DNER: variants seen among roughly 807,000 people sequenced by gnomAD.
DNER encodes the protein delta and Notch-like epidermal growth factor-related receptor.
A neutral mutation model predicts 78.2 loss-of-function variants in DNER; 33 were observed. That is an observed-to-expected ratio of 0.42 (90% CI 0.32 to 0.56). The LOEUF (loss-of-function observed/expected upper bound fraction) is 0.56. Among genes scored for constraint, DNER ranks in the 20% least tolerant of loss-of-function variants. DNER has a pLI of 0.11. For synonymous variants in DNER, 417 were observed against 384.8 expected (o/e 1.08, Z -0.98); for missense variants, 918 against 975.3 (o/e 0.94, Z 0.78).
intron 9 of DNER, among the ~76,000 whole-genome samples, chr2:229,414,972 G>A (rs1693613215): frequency 6.6e-6 from 1 of 152,148 alleles, no homozygotes; most frequent in African/African-American, 2.4e-5. Context: ...AGACCAGCCT[G>A]ACCAACATGG....
intron 1 of DNER, among the ~76,000 whole-genome samples, chr2:229,617,632 T>C (rs1027390734): frequency 1.3e-5 from 2 of 152,238 alleles, no homozygotes; most frequent in African/African-American, 4.8e-5. Context: ...AAATAGTTTT[T>C]TTGTTATAAG....
At chr2:229,426,469 T>C (rs1693881860) in intron 8 of DNER, among the ~76,000 whole-genome samples, 1 of 141,862 alleles carries the variant, frequency 7.0e-6, no homozygotes, top group African/African-American at 2.6e-5. Flanking sequence ...AAAAAAGATA[T>C]GGGTCACAGA....
intron 4 of DNER, among the ~76,000 whole-genome samples, chr2:229,549,370 A>G (rs182726618): frequency 1.3e-5 from 2 of 152,244 alleles, no homozygotes; most frequent in African/African-American, 4.8e-5. Context: ...CAGTGGTTCA[A>G]TCTCAGCTCA....
At chr2:229,382,120 A>C (rs1692751946) in intron 11 of DNER, among the ~76,000 whole-genome samples, 1 of 152,234 alleles carries the variant, frequency 6.6e-6, no homozygotes, top group Admixed American at 6.5e-5. Flanking sequence ...ATACCCAGGC[A>C]AATGGTCTGG....
chr2:229,697,273 T>C (rs1699676669), intron 1 of DNER, among the ~76,000 whole-genome samples: 1 of 152,224 alleles, frequency 6.6e-6, no homozygotes, highest in African/African-American at 2.4e-5. Flanking sequence ...GATTACTCCA[T>C]TTCTATGAAA....
intron 4 of DNER, among the ~76,000 whole-genome samples, chr2:229,549,097 G>A (rs1049432234): frequency 3.3e-5 from 5 of 152,008 alleles, no homozygotes; most frequent in Admixed American, 6.6e-5. Context: ...ACGCTGTTAC[G>A]CATATGTATA....
At chr2:229,547,611 A>T (rs189611740) in intron 4 of DNER, among the ~76,000 whole-genome samples, 2 of 152,338 alleles carry the variant, frequency 1.3e-5, no homozygotes, top group African/African-American at 4.8e-5. Context: ...TGGAGTAGGC[A>T]TGCAGCATGG....
At chr2:229,572,912 C>T (rs1407885031) in intron 4 of DNER, among the ~76,000 whole-genome samples, 1 of 152,146 alleles carries the variant, frequency 6.6e-6, no homozygotes, top group East Asian at 1.9e-4. Flanking sequence ...ATGAGTATAA[C>T]TTGTTTGTTT....
chr2:229,603,117 T>C (rs768216848), intron 1 of DNER, among the ~76,000 whole-genome samples: 8 of 152,038 alleles, frequency 5.3e-5, no homozygotes, highest in Non-Finnish European at 1.0e-4. Flanking sequence ...TGATATCCAA[T>C]GAGAAAAAAA....
rs537464666 is a variant in DNER at position 229,689,655 on chromosome 2, G to A, written c.276+24493C>T. On this transcript the variant is annotated intron_variant, in intron 1 of 12. Coordinates refer to ENST00000341772, the MANE Select transcript of DNER (RefSeq NM_139072.4). ...ACACAGGCACATTCCCTTTAATCAC[G>A]GGGTGCTGGGGAGTGGGGAGGGGCA... 5.3e-5 allele frequency among the ~76,000 whole-genome samples: 8 copies of A among 152,272 alleles called. No individual in the cohort carries two copies. In the South Asian group the frequency reaches 1.2e-3, roughly 24 times the overall value.
chr2:229,653,399 G>T (rs988423547), intron 1 of DNER, among the ~76,000 whole-genome samples: 6 of 152,220 alleles, frequency 3.9e-5, no homozygotes, highest in African/African-American at 1.4e-4. Flanking sequence ...AGAACCATCA[G>T]TCCCAAGCCC....
At chr2:229,486,726 C>T (rs1695283682) in intron 6 of DNER, among the ~76,000 whole-genome samples, 1 of 152,170 alleles carries the variant, frequency 6.6e-6, no homozygotes, top group Non-Finnish European at 1.5e-5. Flanking sequence ...GATTTTAAAA[C>T]TGCAAAGCAA....
At chr2:229,411,856 C>G (rs1274064668) in intron 9 of DNER, among the ~76,000 whole-genome samples, 1 of 151,900 alleles carries the variant, frequency 6.6e-6, no homozygotes, top group Non-Finnish European at 1.5e-5. Flanking sequence ...TGTAGGTATA[C>G]TCAATTATTG....
intron 7 of DNER, among the ~76,000 whole-genome samples, chr2:229,467,292 G>C (rs561154579): frequency 4.3e-4 from 66 of 152,264 alleles, no homozygotes; most frequent in South Asian, 2.5e-3. Flanking sequence ...GAACTGAGGA[G>C]AGGCGTCAGT....
At chr2:229,690,103 C>T (rs1699543699) in intron 1 of DNER, among the ~76,000 whole-genome samples, 1 of 152,218 alleles carries the variant, frequency 6.6e-6, no homozygotes, top group Admixed American at 6.5e-5. Context: ...TAGTAGTCCG[C>T]AGGCGTAGCT....
chr2:229,675,053 G>C (rs1699279453), intron 1 of DNER, among the ~76,000 whole-genome samples: 2 of 152,218 alleles, frequency 1.3e-5, no homozygotes, highest in Non-Finnish European at 2.9e-5. Context: ...TCAAAGCACA[G>C]GCAGTGTATC....
chr2:229,618,321 A>G (rs891705512), intron 1 of DNER, among the ~76,000 whole-genome samples: 44 of 152,250 alleles, frequency 2.9e-4, no homozygotes, highest in African/African-American at 1.0e-3. Context: ...AGGGGATGAC[A>G]ACAGGCCAAC....
At chr2:229,487,758 C>G (rs1194676253) in intron 6 of DNER, among the ~76,000 whole-genome samples, 1 of 152,204 alleles carries the variant, frequency 6.6e-6, no homozygotes. Flanking sequence ...AGTTCAGGAA[C>G]AGTTCTTACC....
chr2:229,473,320 A>C (rs1694964647), intron 7 of DNER, among the ~76,000 whole-genome samples: 1 of 152,234 alleles, frequency 6.6e-6, no homozygotes, highest in African/African-American at 2.4e-5. Flanking sequence ...TTACAAAGAT[A>C]ATCTTTAAAA....
Sources: gnomAD v4.1 joint callset for allele counts (sites outside exome capture counted in the v4.1 genomes callset) on GRCh38, gnomAD v4.1.1 for gene constraint, MANE v1.5 for transcripts, NCBI Gene and HGNC (gene_info 2026-07-23, HGNC 2026-07-21) for gene names.